Variants in LOC400499 observed in about 807,000 individuals in gnomAD.
chr16:11,488,870 G>A, the LOC400499 span: 86 of 398,794 alleles, frequency 2.2e-4, 1 homozygote, highest in Non-Finnish European at 9.7e-5. Context: ...AGAACCCACT[G>A]GAATAGAGTC....
At chr16:11,422,407 G>T in the LOC400499 span, among the ~76,000 whole-genome samples, 2 of 152,054 alleles carry the variant, frequency 1.3e-5, no homozygotes, top group Non-Finnish European at 2.9e-5. Flanking sequence ...CTCAGAAAAG[G>T]AAAGGAATGG....
the LOC400499 span, among the ~76,000 whole-genome samples, chr16:11,493,359 C>G: frequency 1.3e-5 from 2 of 152,152 alleles, no homozygotes; most frequent in African/African-American, 4.8e-5. Context: ...GAAAAACAGA[C>G]CAAGGGCCAG....
chr16:11,458,479 T>C, the LOC400499 span, among the ~76,000 whole-genome samples: 8 of 145,424 alleles, frequency 5.5e-5, no homozygotes, highest in East Asian at 6.2e-4. Context: ...TACTCCAGTG[T>C]GGGCAACAAA....
At chr16:11,464,662 A>G in the LOC400499 span, among the ~76,000 whole-genome samples, 2 of 152,194 alleles carry the variant, frequency 1.3e-5, no homozygotes, top group African/African-American at 4.8e-5. Context: ...AGAGGACTTG[A>G]AGGGGGGACC....
At chr16:11,494,768 C>T in the LOC400499 span, 46 of 399,062 alleles carry the variant, frequency 1.2e-4, no homozygotes, top group Non-Finnish European at 1.9e-4. Context: ...TGGCTGGGGA[C>T]AGAAATCGGC....
chr16:11,449,270 G>A, the LOC400499 span, among the ~76,000 whole-genome samples: 2 of 152,260 alleles, frequency 1.3e-5, no homozygotes, highest in South Asian at 4.1e-4. Flanking sequence ...AGGTAGGCTA[G>A]TTTTCTCTAC....
At chr16:11,522,976 CT>C in the LOC400499 span, among the ~76,000 whole-genome samples, 3 of 152,312 alleles carry the variant, frequency 2.0e-5, no homozygotes, top group Admixed American at 2.0e-4. Context: ...CATCTCACCC[CT>C]CCCCATGGCT....
chr16:11,493,772 C>A, the LOC400499 span: 6 of 390,700 alleles, frequency 1.5e-5, no homozygotes, highest in African/African-American at 1.3e-4. Flanking sequence ...CCCGCGTTGC[C>A]GACTGCCTTC....
chr16:11,450,816 G>A, the LOC400499 span: 10 of 1,529,204 alleles, frequency 6.5e-6, no homozygotes, highest in African/African-American at 1.2e-4. Context: ...CCAGGTTCAA[G>A]GCTCCTGCAA....
At chr16:11,490,397 A>G in the LOC400499 span, among the ~76,000 whole-genome samples, 49 of 80,702 alleles carry the variant, frequency 6.1e-4, no homozygotes, top group Non-Finnish European at 8.6e-4. Context: ...CTCTGTCTCG[A>G]AAAAAAAAAA....
At chr16:11,515,373 T>C in the LOC400499 span, among the ~76,000 whole-genome samples, 1 of 151,964 alleles carries the variant, frequency 6.6e-6, no homozygotes. Context: ...GGAGGATCGC[T>C]TGAGGCCAGG....
At chr16:11,423,233 C>T in the LOC400499 span, 4 of 399,100 alleles carry the variant, frequency 1.0e-5, no homozygotes, top group Non-Finnish European at 1.3e-5. Context: ...GCTGGGTGGG[C>T]GAGGCGTCTC....
the LOC400499 span, among the ~76,000 whole-genome samples, chr16:11,516,841 C>G: frequency 0.11 from 16,239 of 152,184 alleles, 979 homozygotes; most frequent in South Asian, 0.2. Context: ...GAGATAGATT[C>G]CCGCTACGTT....
the LOC400499 span, among the ~76,000 whole-genome samples, chr16:11,488,397 G>A: frequency 2.6e-5 from 4 of 152,306 alleles, no homozygotes; most frequent in Middle Eastern, 3.4e-3. Flanking sequence ...CAAGCAGCAT[G>A]TAAGTTTTTT....
the LOC400499 span, among the ~76,000 whole-genome samples, chr16:11,451,200 C>CT: frequency 6.6e-6 from 1 of 152,222 alleles, no homozygotes; most frequent in Non-Finnish European, 1.5e-5. Context: ...GTGGGGTCAA[C>CT]TGTTAATAGC....
At chr16:11,446,829 G>A in the LOC400499 span, 2 of 1,536,148 alleles carry the variant, frequency 1.3e-6, no homozygotes, top group South Asian at 1.2e-5. Flanking sequence ...TAGTCTCCAG[G>A]GAATAGCGCT....
the LOC400499 span, chr16:11,449,254 T>A: frequency 1.5e-6 from 1 of 680,222 alleles, no homozygotes; most frequent in Non-Finnish European, 2.2e-6. Flanking sequence ...CTAACCTGAC[T>A]GGTGCAGGTA....
the LOC400499 span, chr16:11,491,670 C>T: frequency 2.3e-5 from 9 of 386,948 alleles, no homozygotes; most frequent in East Asian, 3.3e-4. Flanking sequence ...CCCCTGCCCA[C>T]ACCCCTCCCA....
chr16:11,373,920 G>A, the LOC400499 span, among the ~76,000 whole-genome samples: 23,180 of 152,064 alleles, frequency 0.15, 2,019 homozygotes, highest in Non-Finnish European at 0.2. Context: ...TTGCCTGGCC[G>A]GGAAGCACCC....
Sources: allele counts gnomAD v4.1 joint callset (sites outside exome capture counted in the v4.1 genomes callset), GRCh38; gene constraint gnomAD v4.1.1; transcripts MANE v1.5.